AKAP10: variants seen among roughly 807,000 people sequenced by gnomAD.
The protein encoded by AKAP10 is A-kinase anchor protein 10, mitochondrial.
A neutral mutation model predicts 80.8 loss-of-function variants in AKAP10; 24 were observed. That is an observed-to-expected ratio of 0.30 (90% CI 0.22 to 0.42). The LOEUF is 0.42. Among genes scored for constraint, AKAP10 ranks in the 10% least tolerant of loss-of-function variants. The pLI is 1.00. For synonymous variants in AKAP10, 291 were observed against 277.7 expected, an observed-to-expected ratio of 1.05 and a Z score of -0.48; for missense variants, 661 against 794.9, an observed-to-expected ratio of 0.83 and a Z score of 2.03.
intron 4 of AKAP10, among the ~76,000 whole-genome samples, chr17:19,948,183 A>G (rs2043156456): frequency 6.6e-6 from 1 of 152,166 alleles, no homozygotes; most frequent in Admixed American, 6.5e-5. Context: ...CTCCCATGGA[A>G]TGCAACTCAA....
At chr17:19,925,806 A>C (rs1258725801) in intron 10 of AKAP10, among the ~76,000 whole-genome samples, 1 of 152,174 alleles carries the variant, frequency 6.6e-6, no homozygotes, top group East Asian at 1.9e-4. Context: ...CAGAATAAAG[A>C]GGGAATATTT....
chr17:19,928,230 AAAAT>A (rs937993985), intron 10 of AKAP10, among the ~76,000 whole-genome samples: 46 of 152,246 alleles, frequency 3.0e-4, no homozygotes, highest in African/African-American at 1.1e-3. Context: ...GTCTCAAAAA[AAAAT>A]AAATAAATAA....
Position 19,977,643 on chromosome 17 carries a change from G to T in AKAP10, c.37C>A (p.Arg13Ser). Reference sequence around the variant, plus strand: ...GGGCCCGGGTCGGGACGGAGGGTGCGGGGGGACTGGCGCGGGGAGGGCCCG... The same window carrying T: ...GGGCCCGGGTCGGGACGGAGGGTGCTGGGGGACTGGCGCGGGGAGGGCCCG... ...GAGPSPRQSP[R>S]TLRPDPGPAM... The change falls in exon 1 of 15, where the codon CGC (arginine) becomes AGC (serine). Residue 13 changes from arginine (R) to serine (S), a missense_variant. By Grantham distance (110) the Arg-to-Ser change is moderately radical. Transcript: ENST00000225737. 3 of 1,235,316 alleles carry T rather than the reference G, an allele frequency of 2.4e-6. No individual in the cohort carries two copies. Among genetic ancestry groups the T allele is most frequent in the South Asian group, 8.2e-5 (2 of 24,390 alleles). The allele number at this position is 1,235,316 out of a possible 1,614,324, so 76.5% of individuals were successfully genotyped here.
chr17:19,945,299 C>T (rs1420648226), intron 5 of AKAP10, among the ~76,000 whole-genome samples: 7 of 152,046 alleles, frequency 4.6e-5, no homozygotes, highest in Admixed American at 3.3e-4. Flanking sequence ...TTTATCCACA[C>T]GCCAGTCAGG....
At chr17:19,933,687 T>C (rs1469623225) in intron 9 of AKAP10, among the ~76,000 whole-genome samples, 1 of 152,180 alleles carries the variant, frequency 6.6e-6, no homozygotes, top group East Asian at 1.9e-4. Context: ...TCTATTCTGT[T>C]TACTACTAGC....
At chr17:19,912,119 CA>C (rs1435736968) in intron 12 of AKAP10, among the ~76,000 whole-genome samples, 4 of 151,772 alleles carry the variant, frequency 2.6e-5, no homozygotes, top group Admixed American at 2.0e-4. Flanking sequence ...AGGCTCTTTT[CA>C]AAACTCAATC....
At chr17:19,967,855 C>G (rs2043440654) in intron 2 of AKAP10, 1 of 150,922 alleles carries the variant, frequency 6.6e-6, no homozygotes, top group Admixed American at 6.6e-5. Flanking sequence ...TGCACTCCAG[C>G]CTGGGGATAA....
chr17:19,961,990 C>A (rs956366182), intron 3 of AKAP10, among the ~76,000 whole-genome samples: 1 of 152,016 alleles, frequency 6.6e-6, no homozygotes, highest in African/African-American at 2.4e-5. Flanking sequence ...GTGACACATG[C>A]CTGCAGTCCT....
chr17:19,952,790 G>C (rs1345831758), intron 4 of AKAP10, among the ~76,000 whole-genome samples: 1 of 151,950 alleles, frequency 6.6e-6, no homozygotes, highest in Non-Finnish European at 1.5e-5. Context: ...AGCAAAACCA[G>C]ATAGAGCTGA....
rs553874760 is a variant in AKAP10 at position 19,939,034 on chromosome 17, G to A, written c.1322+679C>T. 6.6e-5 allele frequency among the ~76,000 whole-genome samples: 10 copies of A among 152,182 alleles called. No individual in the cohort carries two copies. The East Asian group carries it at 1.5e-3, about 23-fold the overall frequency. On this transcript the variant is annotated intron_variant, in intron 8 of 14. Transcript: ENST00000225737. ...GGAGTGAGCCACCGTGCCCGACCAC[G>A]AATTACTTTTTTTACAGAGTAAGAA...
At chr17:19,924,875 A>T (rs2042859780) in intron 10 of AKAP10, among the ~76,000 whole-genome samples, 1 of 152,104 alleles carries the variant, frequency 6.6e-6, no homozygotes, top group African/African-American at 2.4e-5. Flanking sequence ...GCCACCATGC[A>T]GCCCTCAATA....
At position 19,977,757 on chromosome 17, in the gene AKAP10, G is replaced by T; in HGVS notation, c.-78C>A. The T allele has an allele frequency of 1.1e-6, 1 of 908,796 alleles. No individual in the cohort carries two copies. The highest frequency in any genetic ancestry group is 1.4e-6 in the Non-Finnish European group (1 of 691,276). The allele number at this position is 908,796 out of a possible 1,614,324, so 56.3% of individuals were successfully genotyped here. On this transcript the variant is annotated 5_prime_UTR_variant, in exon 1 of 15. Coordinates refer to ENST00000225737, the MANE Select transcript of AKAP10 (RefSeq NM_007202.4). ...AAAGGGACCCTTCTTCCGGGAGTGG[G>T]CCCCACCGCCTCCTCGGGATGCCCA...
chr17:19,924,365 G>A, intron 11 of AKAP10, 43 bp downstream of exon 11: 1 of 1,364,758 alleles, frequency 7.3e-7, no homozygotes, highest in Non-Finnish European at 1.0e-6. Context: ...AAGATGCAAA[G>A]TTATTTACAC....
chr17:19,950,998 G>A (rs1270236965), intron 4 of AKAP10, among the ~76,000 whole-genome samples: 132 of 150,006 alleles, frequency 8.8e-4, no homozygotes, highest in Non-Finnish European at 1.7e-3. Context: ...CTGCCCGACC[G>A]CCACCCCATC....
intron 5 of AKAP10, among the ~76,000 whole-genome samples, chr17:19,944,032 C>T (rs2043077916): frequency 6.6e-6 from 1 of 151,518 alleles, no homozygotes; most frequent in Non-Finnish European, 1.5e-5. Flanking sequence ...AAATATTTAA[C>T]ACCTCTTCTA....
Position 19,936,316 on chromosome 17 carries a change from T to C in AKAP10, c.1437A>G (p.Pro479=). ...CCATGGTTGTCCAGGCCTGACGTAA[T>C]GGAGTTGTGAAACAGTTGGGGAGTG... ...GGPLPNCFTT[P]LRQAWTTMEK... Residue 479 remains proline (P), a synonymous_variant, in exon 9 of 15, where the codon CCA becomes CCG. Coordinates refer to ENST00000225737, the MANE Select transcript of AKAP10 (RefSeq NM_007202.4). 3 of 1,613,936 alleles carry C rather than the reference T, an allele frequency of 1.9e-6. No individual in the cohort carries two copies. Among genetic ancestry groups the C allele is most frequent in the East Asian group, 2.2e-5 (1 of 44,886 alleles).
chr17:19,918,238 A>G (rs1157627687), intron 12 of AKAP10, among the ~76,000 whole-genome samples: 4 of 149,456 alleles, frequency 2.7e-5, no homozygotes, highest in Non-Finnish European at 4.4e-5. Context: ...AAAAAAAAAA[A>G]AAAAGAAAAT....
chr17:19,947,128 G>C (rs893679540), intron 5 of AKAP10: 3 of 398,908 alleles, frequency 7.5e-6, no homozygotes, highest in Middle Eastern at 7.8e-4. Context: ...GTGCCGGTTA[G>C]CGTAGCCGCC....
intron 12 of AKAP10, among the ~76,000 whole-genome samples, chr17:19,916,155 AG>A (rs2042740285): frequency 6.6e-6 from 1 of 152,196 alleles, no homozygotes; most frequent in Non-Finnish European, 1.5e-5. Flanking sequence ...CGCTGCGCTC[AG>A]GTCTACTCAA....
Sources: gnomAD v4.1 joint callset for allele counts (sites outside exome capture counted in the v4.1 genomes callset) on GRCh38, gnomAD v4.1.1 for gene constraint, MANE v1.5 for transcripts, NCBI Gene and HGNC (gene_info 2026-07-23, HGNC 2026-07-21) for gene names.